RYR1: variants seen among roughly 807,000 people sequenced by gnomAD.
RYR1 encodes the protein central core disease of muscle.
Under a neutral mutation model 583.5 loss-of-function variants are expected in RYR1, and 342 were observed. The ratio of observed to expected loss-of-function variants is 0.59; its 90% CI spans 0.54 to 0.64. The LOEUF (loss-of-function observed/expected upper bound fraction) is 0.64. Among genes scored for constraint, RYR1 ranks in the 30% least tolerant of loss-of-function variants. The probability of loss-of-function intolerance (pLI) is 0.00; values close to 1 mark genes in which losing one functional copy is unlikely to be tolerated. For missense variants in RYR1, 6,032 were observed against 6,917.2 expected (o/e 0.87, Z 4.54); for synonymous variants, 2,791 against 2,822.5 (o/e 0.99, Z 0.35).
chr19:38,543,243 A>G lies in RYR1; in HGVS notation c.11690-104A>G, dbSNP rs1600986424. ...ATGATGATATGCTTTCTGGCATACA[A>G]TAGGAACTCAACACATGAGTATTGC... On this transcript the variant is annotated intron_variant, in intron 84 of 105. Transcript: ENST00000359596. This position sits in a 1 kb window ranked among gnomAD's most constrained non-coding sequence, Gnocchi z 4.4. 3 of 957,366 alleles carry G rather than the reference A, an allele frequency of 3.1e-6. No homozygotes were observed. The highest frequency in any genetic ancestry group is 4.8e-5 in the East Asian group (2 of 41,882). 59.3% of individuals were successfully genotyped at this position (957,366 alleles called of 1,614,324 possible). A position where few individuals can be genotyped will look rare whatever the true frequency, so the allele number is the denominator to read the frequency against.
chr19:38,460,234 C>T (rs1338355442), intron 19 of RYR1, 141 bp from the exon 20 acceptor site: 11 of 769,532 alleles, frequency 1.4e-5, no homozygotes, highest in Non-Finnish European at 2.6e-5. Flanking sequence ...AAATGACCTC[C>T]AGGACACTAT....
rs5029199 is a variant in RYR1 at position 38,541,481 on chromosome 19, C to G, written c.11690-1866C>G. ...CTGTAATCCCAGCACTTTGGGAGGC[C>G]GAGGCAGGTGGATCACAAGGTCAGG... On this transcript the variant is annotated intron_variant, in intron 84 of 105. Coordinates refer to ENST00000359596, the MANE Select transcript of RYR1 (RefSeq NM_000540.3). Among the ~76,000 whole-genome samples the G allele has an allele frequency of 3.3e-5, 5 of 149,888 alleles. No homozygotes were observed. The East Asian group carries it at 9.7e-4, about 29-fold the overall frequency.
intron 96 of RYR1, 121 bp from the exon 97 acceptor site, chr19:38,575,798 A>T (rs1973930598): frequency 9.7e-7 from 1 of 1,035,068 alleles, no homozygotes. Flanking sequence ...GTGAGACTCC[A>T]TCTCAAAAAA....
At chr19:38,463,646 G>A in intron 21 of RYR1, 101 bp from the exon 22 acceptor site, 4 of 1,458,426 alleles carry the variant, frequency 2.7e-6, no homozygotes, top group Non-Finnish European at 3.9e-6. Context: ...CTTGGACTGA[G>A]GGTGGCAGAA....
intron 42 of RYR1, among the ~76,000 whole-genome samples, chr19:38,497,440 C>T (rs1200209256): frequency 2.0e-5 from 3 of 152,242 alleles, no homozygotes; most frequent in African/African-American, 7.2e-5. Flanking sequence ...GCTCCCCTCG[C>T]TCCCTGGCTG....
Position 38,543,588 on chromosome 19 carries a change from G to A in RYR1, c.11835G>A (p.Gln3945=). ...YYSGKDVIEE[Q]GKRNFSKAMS... ...CGGGCAAGGATGTCATTGAAGAGCA[G>A]GGCAAGAGGAACTTCTCCAAAGCCA... The change falls in exon 86 of 106, where the codon CAG becomes CAA. Residue 3945 remains glutamine, a synonymous_variant. Coordinates refer to ENST00000359596, the MANE Select transcript of RYR1 (RefSeq NM_000540.3). This position sits in a 1 kb window ranked among gnomAD's most constrained non-coding sequence, Gnocchi z 4.4. 6.2e-7 allele frequency: 1 copy of A among 1,614,194 alleles called. No individual in the cohort carries two copies.
chr19:38,463,480 G>A lies in RYR1; in HGVS notation c.2635G>A (p.Glu879Lys), dbSNP rs746904839. The stretch of plus-strand genomic sequence containing the variant: ...GGAGAAGCTGGCGGAGAACATCCAC[G>A]AGCTCTGGGCGCTAACCCGCATCGA... ...IREKLAENIH[E>K]LWALTRIEQG... Residue 879 changes from glutamate to lysine, a missense_variant, in exon 21 of 106, where the codon GAG (glutamate) becomes AAG (lysine). Transcript: ENST00000359596. The A allele has an allele frequency of 3.1e-5, 50 of 1,613,576 alleles. No homozygotes were observed. The highest frequency in any genetic ancestry group is 3.9e-5 in the Non-Finnish European group (46 of 1,180,024).
intron 101 of RYR1, among the ~76,000 whole-genome samples, chr19:38,583,871 C>T (rs1974326744): frequency 6.6e-6 from 1 of 152,068 alleles, no homozygotes; most frequent in South Asian, 2.1e-4. Context: ...GGCCAGGGCC[C>T]ACAGAGCCAC....
intron 101 of RYR1, among the ~76,000 whole-genome samples, chr19:38,583,023 G>T (rs1158067345): frequency 6.6e-6 from 1 of 152,150 alleles, no homozygotes; most frequent in South Asian, 2.1e-4. Flanking sequence ...TATGCCGGGC[G>T]CTGTGGCTCA....
chr19:38,513,312 G>A (rs1430073541), intron 63 of RYR1, among the ~76,000 whole-genome samples: 1 of 152,056 alleles, frequency 6.6e-6, no homozygotes, highest in East Asian at 1.9e-4. Flanking sequence ...ACGCCAGCCT[G>A]GGCAACAGAG....
At chr19:38,548,481 C>T in intron 89 of RYR1, 61 bp downstream of exon 89, 1 of 1,530,370 alleles carries the variant, frequency 6.5e-7, no homozygotes, top group Admixed American at 1.7e-5. Context: ...GCCAGCCATA[C>T]CCTTCTGGCT....
chr19:38,527,342 C>T (rs1022140347), intron 72 of RYR1, among the ~76,000 whole-genome samples: 5 of 152,152 alleles, frequency 3.3e-5, no homozygotes, highest in African/African-American at 9.7e-5. Context: ...GAAACCCCGT[C>T]TCTACTAAAA....
rs1050161703 is a variant in RYR1, at chr19:38,565,958, C to CA, written c.13437+188dup. ...GCGGGCGCCGGGCAAGAGAGACGCT[C>CA]AGAGACAGAGGGATACTCAGACCCA... On this transcript the variant is annotated intron_variant, in intron 91 of 105. Coordinates refer to ENST00000359596, the MANE Select transcript of RYR1 (RefSeq NM_000540.3). This position sits in a 1 kb window ranked among gnomAD's most constrained non-coding sequence, Gnocchi z 4.7. 2.0e-5 allele frequency among the ~76,000 whole-genome samples: 3 copies of CA among 151,796 alleles called. No individual in the cohort carries two copies. The highest frequency in any genetic ancestry group is 7.3e-5 in the African/African-American group (3 of 41,308).
In RYR1 at chr19:38,512,338, C is replaced by T. The variant is rs753601258; in HGVS notation, c.9327C>T (p.Asn3109=). 1 of 1,614,206 alleles carries T rather than the reference C, an allele frequency of 6.2e-7. No individual in the cohort carries two copies. Among genetic ancestry groups the T allele is most frequent in the South Asian group, 1.1e-5 (1 of 91,090 alleles). ...AGGACATCGAGAAGATGGTGGAGAA[C>T]CTGCGGCTGGGCAAGGTGTCGCAGG... The part of the protein sequence containing the change: ...ASEDIEKMVE[N]LRLGKVSQAR... The change falls in exon 63 of 106, where the codon AAC becomes AAT. Residue 3109 remains asparagine, a synonymous_variant. Transcript: ENST00000359596. This position sits in a 1 kb window ranked among gnomAD's most constrained non-coding sequence, Gnocchi z 5.1.
intron 67 of RYR1, among the ~76,000 whole-genome samples, chr19:38,520,952 C>T (rs1971201486): frequency 6.6e-6 from 1 of 151,978 alleles, no homozygotes; most frequent in Non-Finnish European, 1.5e-5. Context: ...ACATATTTTA[C>T]CATCTGTTTA....
Position 38,485,672 on chromosome 19 carries a change from T to G in RYR1, c.5017T>G (p.Cys1673Gly). The change falls in exon 34 of 106, where the codon TGC becomes GGC. Residue 1673 changes from cysteine (C) to glycine (G), a missense_variant. Coordinates refer to ENST00000359596, the MANE Select transcript of RYR1 (RefSeq NM_000540.3). ...CACCCTGCGCCTCTACCGCGCTGTG[T>G]GCGCCCTGGGCAACAATCGCGTGGC... ...SHTLRLYRAVCALGNNRVAHA... is the reference protein window; with the variant it reads ...SHTLRLYRAVGALGNNRVAHA... 6.2e-7 allele frequency: 1 copy of G among 1,610,884 alleles called. No homozygotes were observed. The highest frequency in any genetic ancestry group is 8.5e-7 in the Non-Finnish European group (1 of 1,179,840).
intron 97 of RYR1, among the ~76,000 whole-genome samples, chr19:38,577,027 AG>A (rs914609470): frequency 6.6e-6 from 1 of 152,002 alleles, no homozygotes; most frequent in African/African-American, 2.4e-5. Context: ...CTGGGATTAC[AG>A]GCACCCACCA....
chr19:38,496,429 G>A lies in RYR1; in HGVS notation c.6684G>A (p.Met2228Ile). 1.9e-6 allele frequency: 3 copies of A among 1,613,822 alleles called. No homozygotes were observed. The highest frequency in any genetic ancestry group is 2.5e-6 in the Non-Finnish European group (3 of 1,180,028). ...CCCAGGAGATCCGCTTCCCCAAGAT[G>A]GTGACAAGCTGCTGCCGCTTCCTCT... ...GESKEIRFPKMVTSCCRFLCY... is the reference protein window; with the variant it reads ...GESKEIRFPKIVTSCCRFLCY... Residue 2228 changes from methionine (M) to isoleucine (I), a missense_variant, in exon 41 of 106, where the codon ATG becomes ATA. This residue lies in a region of RYR1 where 2,627 missense variants were observed against 2,961.3 expected (regional missense o/e 0.89). Coordinates refer to ENST00000359596, the MANE Select transcript of RYR1 (RefSeq NM_000540.3). The surrounding 1 kb of genome is among the most constrained non-coding windows in gnomAD (Gnocchi z 4.8).
At chr19:38,550,966 T>G (rs1184891505) in intron 89 of RYR1, among the ~76,000 whole-genome samples, 1 of 151,180 alleles carries the variant, frequency 6.6e-6, no homozygotes, top group Non-Finnish European at 1.5e-5. Flanking sequence ...GTTTCCTTCT[T>G]GTCCATTTCA....
Sources: gnomAD v4.1 joint callset for allele counts (sites outside exome capture counted in the v4.1 genomes callset) on GRCh38, gnomAD v4.1.1 for gene constraint, gnomAD v4.1.1 regional missense constraint, Gnocchi (gnomAD v3.1) non-coding constraint, MANE v1.5 for transcripts, NCBI Gene and HGNC (gene_info 2026-07-23, HGNC 2026-07-21) for gene names.